The following SHTN1 variants were observed in gnomAD, a reference collection of about 807,000 sequenced individuals.
SHTN1 encodes shootin-1.
In SHTN1, 42 loss-of-function variants were observed where a neutral mutation model predicts 83.1. The observed-to-expected ratio is 0.51, with a 90% CI of 0.39 to 0.65. The LOEUF is 0.65. SHTN1 is among the 30% of genes least tolerant of loss of function. SHTN1 has a pLI of 0.00. For missense variants in SHTN1, 622 were observed against 737.8 expected, an observed-to-expected ratio of 0.84 and a Z score of 1.82; for synonymous variants, 224 against 247.7, an observed-to-expected ratio of 0.90 and a Z score of 0.90.
intron 3 of SHTN1, among the ~76,000 whole-genome samples, chr10:116,963,116 G>C (rs1827288698): frequency 8.8e-6 from 1 of 114,236 alleles, no homozygotes; most frequent in African/African-American, 3.5e-5. Context: ...CTGTGGCCCA[G>C]GCTGGAGTGC....
At chr10:117,084,897 G>A (rs996631232) in intron 1 of SHTN1, among the ~76,000 whole-genome samples, 43 of 152,014 alleles carry the variant, frequency 2.8e-4, no homozygotes, top group Non-Finnish European at 5.6e-4. Context: ...GCTTCGGCTC[G>A]CGCACGGTGC....
Position 116,979,238 on chromosome 10 carries a change from A to G in SHTN1, c.111+18T>C, listed in dbSNP as rs761011122. ...TTTACACATGTAAGAAAGGGGAAAA[A>G]AAAGGTAAAGTACAAACCTTCTCCT... On this transcript the variant is annotated intron_variant, in intron 2 of 16. Coordinates refer to ENST00000355371, the MANE Select transcript of SHTN1 (RefSeq NM_001127211.3). 1 of 1,608,756 alleles carries G rather than the reference A, an allele frequency of 6.2e-7. No individual in the cohort carries two copies. The highest frequency in any genetic ancestry group is 1.7e-5 in the Admixed American group (1 of 60,018).
intron 7 of SHTN1, among the ~76,000 whole-genome samples, chr10:116,947,186 A>G (rs1275962061): frequency 1.3e-5 from 2 of 152,182 alleles, no homozygotes; most frequent in Admixed American, 1.3e-4. Context: ...GCTATTTTCA[A>G]CATTCAGTGG....
intron 1 of SHTN1, among the ~76,000 whole-genome samples, chr10:116,993,017 C>CTTTTTTTTTTTTTTTT (rs35364697): frequency 4.9e-5 from 6 of 121,224 alleles, no homozygotes; most frequent in Non-Finnish European, 8.0e-5. Flanking sequence ...TCTTTTTTTT[C>CTTTTTTTTTTTTTTTT]TTTTTTTTTT....
At chr10:117,029,113 T>C (rs1852370732) in intron 2 of SHTN1, among the ~76,000 whole-genome samples, 1 of 152,226 alleles carries the variant, frequency 6.6e-6, no homozygotes, top group South Asian at 2.1e-4. Flanking sequence ...TATATCAGTG[T>C]GCCCTGGATG....
chr10:117,091,479 A>C (rs1464241196), intron 1 of SHTN1, among the ~76,000 whole-genome samples: 1 of 152,184 alleles, frequency 6.6e-6, no homozygotes, highest in Non-Finnish European at 1.5e-5. Flanking sequence ...ACAGAAGCTA[A>C]GCAAATTAAA....
At chr10:116,978,271 A>G (rs1248740636) in intron 2 of SHTN1, among the ~76,000 whole-genome samples, 3 of 152,184 alleles carry the variant, frequency 2.0e-5, no homozygotes, top group Non-Finnish European at 4.4e-5. Flanking sequence ...AATATCCCAT[A>G]CGTTTTACAA....
At chr10:117,056,837 TAAAAAC>T (rs984811490) in intron 1 of SHTN1, among the ~76,000 whole-genome samples, 8 of 151,694 alleles carry the variant, frequency 5.3e-5, no homozygotes, top group African/African-American at 1.9e-4. Flanking sequence ...CAAAACAAAA[TAAAAAC>T]AAAAACAAAA....
chr10:117,098,204 C>G (rs1193247044), intron 1 of SHTN1, among the ~76,000 whole-genome samples: 3 of 139,960 alleles, frequency 2.1e-5, no homozygotes, highest in African/African-American at 8.1e-5. Context: ...CTGGCTAACA[C>G]GGTGAAATCC....
intron 13 of SHTN1, among the ~76,000 whole-genome samples, chr10:116,915,103 T>C (rs1435658437): frequency 2.0e-5 from 3 of 152,220 alleles, no homozygotes; most frequent in Admixed American, 6.5e-5. Context: ...GATGTGATAA[T>C]TGTTATTTGT....
intron 9 of SHTN1, among the ~76,000 whole-genome samples, chr10:116,937,136 T>C (rs1357002557): frequency 6.6e-6 from 1 of 152,230 alleles, no homozygotes; most frequent in Non-Finnish European, 1.5e-5. Context: ...CTGTGTCTTT[T>C]AATTGGGGGC....
chr10:116,926,784 T>C (rs896298260), intron 11 of SHTN1, among the ~76,000 whole-genome samples: 2 of 151,924 alleles, frequency 1.3e-5, no homozygotes, highest in African/African-American at 4.8e-5. Context: ...CAAAAGCAGC[T>C]AACATCATGA....
intron 1 of SHTN1, among the ~76,000 whole-genome samples, chr10:117,057,306 C>A (rs1363455351): frequency 6.6e-6 from 1 of 152,178 alleles, no homozygotes; most frequent in Non-Finnish European, 1.5e-5. Context: ...TCCCCCACCC[C>A]AAGCCACCTG....
intron 1 of SHTN1, among the ~76,000 whole-genome samples, chr10:116,992,267 G>A (rs1442686590): frequency 6.6e-6 from 1 of 152,120 alleles, no homozygotes; most frequent in South Asian, 2.1e-4. Context: ...GATAACACAA[G>A]TTAAAGATAA....
intron 7 of SHTN1, among the ~76,000 whole-genome samples, chr10:116,946,756 C>T (rs957745523): frequency 6.0e-5 from 9 of 150,074 alleles, no homozygotes; most frequent in Admixed American, 1.3e-4. Flanking sequence ...CTATGTCTGT[C>T]GCCCAGGCTG....
intron 1 of SHTN1, among the ~76,000 whole-genome samples, chr10:117,102,016 AAGAAG>A (rs1433381892): frequency 6.7e-6 from 1 of 148,990 alleles, no homozygotes; most frequent in Admixed American, 6.8e-5. Context: ...GAAAAAAAAA[AAGAAG>A]AAGAAGAAGA....
Position 117,019,189 on chromosome 10 carries a change from AT to A in SHTN1, c.-123+29255del, listed in dbSNP as rs1267444892. Among the ~76,000 whole-genome samples, 379 of 148,012 alleles carry A rather than the reference AT, an allele frequency of 2.6e-3. 1 individual carries two copies. The highest frequency in any genetic ancestry group is 7.0e-3 in the Middle Eastern group (2 of 284). On this transcript the variant is annotated intron_variant, in intron 2 of 17. Transcript: ENST00000392901. ...ACAGTTAAAAAACTAAAATAATTTA[AT>A]TTTTTTTTTTTCTTTGAGACTAGAT...
Position 116,921,490 on chromosome 10 carries a change from C to G in SHTN1, c.1139G>C (p.Arg380Pro). ...IRSLMSMIRK[R>P]SHPSGSGAKK... is the part of the protein sequence containing the mutation. ...AGCACCACTGCCACTGGGGTGGGAT[C>G]GTTTCCGGATCATGGACATGAGGGA... is the stretch of plus-strand genomic sequence containing the variant. Residue 380 changes from arginine to proline, a missense_variant, in exon 12 of 17, where the codon CGA (arginine) becomes CCA (proline). Arg to Pro is a moderately radical substitution (Grantham distance 103). This residue lies in a region of SHTN1 where 383 missense variants were observed against 455.8 expected (regional missense o/e 0.84). Transcript: ENST00000355371. 1 of 1,613,498 alleles carries G rather than the reference C, an allele frequency of 6.2e-7. No homozygotes were observed. The highest frequency in any genetic ancestry group is 8.5e-7 in the Non-Finnish European group (1 of 1,179,738).
At chr10:117,107,347 C>T (rs888736173) in intron 1 of SHTN1, among the ~76,000 whole-genome samples, 4 of 152,154 alleles carry the variant, frequency 2.6e-5, no homozygotes, top group Non-Finnish European at 4.4e-5. Flanking sequence ...AGCAGCCTTT[C>T]CCTAAGGTTG....
Sources: allele counts gnomAD v4.1 joint callset (sites outside exome capture counted in the v4.1 genomes callset), GRCh38; gene constraint gnomAD v4.1.1; regional missense constraint gnomAD v4.1.1; transcripts MANE v1.5; gene names NCBI Gene and HGNC (gene_info 2026-07-23, HGNC 2026-07-21).